Variants in VAT1L observed in about 807,000 individuals in gnomAD.
VAT1L encodes vesicle amine transport 1 like.
A neutral mutation model predicts 44.1 loss-of-function variants in VAT1L; 34 were observed. That is an observed-to-expected ratio of 0.77 (90% CI 0.59 to 1.03). The LOEUF is 1.03. VAT1L is among the 50% of genes least tolerant of loss of function. The pLI is 0.00. For synonymous variants in VAT1L, 253 were observed against 202.2 expected, an observed-to-expected ratio of 1.25 and a Z score of -2.13; for missense variants, 615 against 538.8, an observed-to-expected ratio of 1.14 and a Z score of -1.40.
intron 7 of VAT1L, among the ~76,000 whole-genome samples, chr16:77,935,412 G>T (rs1387722205): frequency 2.0e-5 from 3 of 151,646 alleles, no homozygotes; most frequent in African/African-American, 7.3e-5. Context: ...ATCTTCTTTG[G>T]GCACGAGAAT....
intron 2 of VAT1L, among the ~76,000 whole-genome samples, chr16:77,823,913 C>T (rs2145244755): frequency 6.6e-6 from 1 of 152,240 alleles, no homozygotes; most frequent in Non-Finnish European, 1.5e-5. Context: ...ATCCGAGCTA[C>T]TTGGGAGGCT....
At chr16:77,934,989 T>C (rs2017776042) in intron 7 of VAT1L, among the ~76,000 whole-genome samples, 1 of 152,076 alleles carries the variant, frequency 6.6e-6, no homozygotes, top group South Asian at 2.1e-4. Context: ...GTTTTCATCT[T>C]TGAGTATAGG....
chr16:77,900,628 G>A (rs1357082496), intron 7 of VAT1L, among the ~76,000 whole-genome samples: 5 of 151,166 alleles, frequency 3.3e-5, no homozygotes, highest in African/African-American at 1.2e-4. Context: ...CCGGGAGGCA[G>A]AGGTTGCAGT....
intron 7 of VAT1L, among the ~76,000 whole-genome samples, chr16:77,895,343 C>T (rs1188664149): frequency 3.6e-5 from 1 of 27,610 alleles, no homozygotes; most frequent in Non-Finnish European, 1.6e-4. Context: ...CATCCTAATC[C>T]CTAGAATATT....
At chr16:77,963,417 G>T (rs1387490005) in intron 7 of VAT1L, among the ~76,000 whole-genome samples, 1 of 152,100 alleles carries the variant, frequency 6.6e-6, no homozygotes, top group Non-Finnish European at 1.5e-5. Flanking sequence ...GGAAAGTCAA[G>T]GAAACAAATT....
intron 4 of VAT1L, among the ~76,000 whole-genome samples, chr16:77,869,635 C>T (rs1303374735): frequency 6.6e-6 from 1 of 152,116 alleles, no homozygotes; most frequent in Non-Finnish European, 1.5e-5. Context: ...TGTCACTGCA[C>T]TGCAGCCTGG....
intron 2 of VAT1L, among the ~76,000 whole-genome samples, chr16:77,823,354 C>T (rs146594874): frequency 6.6e-6 from 1 of 152,112 alleles, no homozygotes; most frequent in Non-Finnish European, 1.5e-5. Context: ...TTCCTCTAAG[C>T]CCTATCACTC....
intron 8 of VAT1L, among the ~76,000 whole-genome samples, chr16:77,974,516 G>GATCT (rs1342139755): frequency 1.3e-5 from 2 of 152,146 alleles, no homozygotes; most frequent in Admixed American, 6.6e-5. Context: ...AAAGGCACAG[G>GATCT]ATCTGCCTGT....
chr16:77,830,941 C>T (rs909145428), intron 3 of VAT1L, among the ~76,000 whole-genome samples: 1 of 152,222 alleles, frequency 6.6e-6, no homozygotes, highest in Non-Finnish European at 1.5e-5. Context: ...GCCTCGGCCT[C>T]CCAAAGTGCT....
chr16:77,936,433 AC>A (rs1182289112), intron 7 of VAT1L, among the ~76,000 whole-genome samples: 1 of 151,918 alleles, frequency 6.6e-6, no homozygotes, highest in African/African-American at 2.4e-5. Context: ...CCTGGCACCC[AC>A]CTTTATGTAA....
intron 7 of VAT1L, among the ~76,000 whole-genome samples, chr16:77,918,298 T>C (rs1188439045): frequency 2.0e-5 from 3 of 152,162 alleles, no homozygotes; most frequent in Non-Finnish European, 4.4e-5. Context: ...ATTTTTCTTA[T>C]TACATCCCAA....
At chr16:77,954,116 A>T (rs561578122) in intron 7 of VAT1L, among the ~76,000 whole-genome samples, 8 of 152,328 alleles carry the variant, frequency 5.3e-5, no homozygotes, top group African/African-American at 1.7e-4. Flanking sequence ...GAGACAATGA[A>T]TAGGTATAAT....
At chr16:77,833,534 C>G (rs1456009813) in intron 3 of VAT1L, among the ~76,000 whole-genome samples, 1 of 151,836 alleles carries the variant, frequency 6.6e-6, no homozygotes, top group Non-Finnish European at 1.5e-5. Context: ...GGGCAGATCA[C>G]GAGGTCAGGA....
chr16:77,800,585 G>A (rs2145212913), intron 1 of VAT1L: 1 of 152,286 alleles, frequency 6.6e-6, no homozygotes, highest in South Asian at 2.1e-4. Flanking sequence ...TTGCCCAAAT[G>A]ATCCTGAACC....
intron 7 of VAT1L, among the ~76,000 whole-genome samples, chr16:77,908,072 C>G (rs2017456653): frequency 6.6e-6 from 1 of 152,052 alleles, no homozygotes; most frequent in Non-Finnish European, 1.5e-5. Flanking sequence ...AACCCCGTCT[C>G]TACTAAAAAT....
rs868022727 is a variant in VAT1L at position 77,926,051 on chromosome 16, A to G, written c.1077+41249A>G. Among the ~76,000 whole-genome samples, 7 of 151,960 alleles carry G rather than the reference A, an allele frequency of 4.6e-5. No individual in the cohort carries two copies. The East Asian group carries it at 5.8e-4, about 13-fold the overall frequency. On this transcript the variant is annotated intron_variant, in intron 7 of 8. Transcript: ENST00000302536. ...GCCGAGGCGGGTGGGTCACGAGGTC[A>G]GGAGATCGAGACCATCCTGGCTAAC...
intron 3 of VAT1L, among the ~76,000 whole-genome samples, chr16:77,858,657 G>C (rs1343965741): frequency 6.6e-6 from 1 of 152,160 alleles, no homozygotes; most frequent in Non-Finnish European, 1.5e-5. Flanking sequence ...TGTTACTCTA[G>C]TGGTGTTGGA....
chr16:77,802,615 A>AACACACACAC (rs57906062), intron 1 of VAT1L, among the ~76,000 whole-genome samples: 13 of 112,044 alleles, frequency 1.2e-4, no homozygotes, highest in East Asian at 3.2e-4. Context: ...CCCCATCTCA[A>AACACACACAC]ACACACACAC....
chr16:77,946,504 G>C (rs550420931), intron 7 of VAT1L, among the ~76,000 whole-genome samples: 1 of 151,618 alleles, frequency 6.6e-6, no homozygotes, highest in African/African-American at 2.4e-5. Context: ...GCATGATCTC[G>C]ATCTCCTGAC....
Sources: gnomAD v4.1 joint callset for allele counts (sites outside exome capture counted in the v4.1 genomes callset) on GRCh38, gnomAD v4.1.1 for gene constraint, MANE v1.5 for transcripts, NCBI Gene and HGNC (gene_info 2026-07-23, HGNC 2026-07-21) for gene names.